AIG1: variants seen among roughly 807,000 people sequenced by gnomAD.
AIG1 encodes androgen induced 1.
In AIG1, 23 loss-of-function variants were observed where a neutral mutation model predicts 31.4. The observed-to-expected ratio is 0.73, with a 90% confidence interval of 0.53 to 1.04. The LOEUF (loss-of-function observed/expected upper bound fraction) is 1.04. Ranked by LOEUF, AIG1 falls within the 50% of genes least tolerant of loss-of-function variation. AIG1 has a pLI of 0.00. For synonymous variants in AIG1, 100 were observed against 110.5 expected, an observed-to-expected ratio of 0.90 and a Z score of 0.60; for missense variants, 274 against 295.0, an observed-to-expected ratio of 0.93 and a Z score of 0.52.
At chr6:143,069,772 G>A (rs1777084936) in intron 1 of AIG1, among the ~76,000 whole-genome samples, 1 of 152,092 alleles carries the variant, frequency 6.6e-6, no homozygotes, top group Middle Eastern at 3.2e-3. Flanking sequence ...TATCAATAGT[G>A]TCTTAAACAG....
At position 143,188,712 on chromosome 6, in the gene AIG1, TAGA is replaced by T; in HGVS notation, c.399+23533_399+23535del. ...CCTCTAGAGCTCTCTAAGGAGACTG[TAGA>T]AGACTTGTGGCCACTCTCATTTTAA... On this transcript the variant is annotated intron_variant, in intron 3 of 5. Transcript: ENST00000357847. 4.1e-6 allele frequency: 4 copies of T among 985,338 alleles called. No individual in the cohort carries two copies. The South Asian group carries it at 1.4e-4, about 35-fold the overall frequency. The allele number at this position is 985,338 out of a possible 1,614,324, so 61.0% of individuals were successfully genotyped here. A position where few individuals can be genotyped will look rare whatever the true frequency, so the allele number is the denominator to read the frequency against.
rs1583497395 is a variant in AIG1 at position 143,203,606 on chromosome 6, T to G, written c.399+38423T>G. ...GGGAGATTAGGCTTCTCTATGTACT[T>G]AGGAGCAAGAAAACTAGGACCAATG... On this transcript the variant is annotated intron_variant, in intron 3 of 5. Transcript: ENST00000357847. Among the ~76,000 whole-genome samples the G allele has an allele frequency of 2.0e-5, 3 of 152,116 alleles. No homozygotes were observed. In the East Asian group the frequency reaches 5.8e-4, roughly 29 times the overall value.
intron 3 of AIG1, among the ~76,000 whole-genome samples, chr6:143,174,067 C>G (rs1787901976): frequency 6.6e-6 from 1 of 152,106 alleles, no homozygotes; most frequent in African/African-American, 2.4e-5. Context: ...TTTGGGAACT[C>G]CAGTGTTAGA....
intron 4 of AIG1, among the ~76,000 whole-genome samples, chr6:143,306,017 A>G (rs1799272135): frequency 6.7e-6 from 1 of 148,940 alleles, no homozygotes; most frequent in Non-Finnish European, 1.5e-5. Context: ...GTTGGTTTAA[A>G]GTCTGTTTTA....
At chr6:143,160,931 A>C (rs1346770675) in intron 2 of AIG1, among the ~76,000 whole-genome samples, 1 of 152,190 alleles carries the variant, frequency 6.6e-6, no homozygotes, top group Non-Finnish European at 1.5e-5. Flanking sequence ...TAAGGTAGGG[A>C]TCAAAGTATT....
rs1357639579 is a variant in AIG1 at position 143,326,668 on chromosome 6, CA to C, written c.516-6613del. Among the ~76,000 whole-genome samples, 10 of 152,138 alleles carry C rather than the reference CA, an allele frequency of 6.6e-5. No homozygotes were observed. The highest frequency in any genetic ancestry group is 2.2e-4 in the African/African-American group (9 of 41,416). Reference sequence around the variant, plus strand: ...AAAAATCTGTCCTAATCTGATGGATCAGGGGAGACTTTCCCGGAGTAAGTGA... The same window carrying C: ...AAAAATCTGTCCTAATCTGATGGATCGGGGAGACTTTCCCGGAGTAAGTGA... On this transcript the variant is annotated intron_variant, in intron 4 of 5. Transcript: ENST00000357847. The surrounding 1 kb of genome is among the most constrained non-coding windows in gnomAD (Gnocchi z 4.5).
intron 3 of AIG1, among the ~76,000 whole-genome samples, chr6:143,247,091 A>G (rs1005487595): frequency 6.6e-6 from 1 of 152,052 alleles, no homozygotes; most frequent in Non-Finnish European, 1.5e-5. Flanking sequence ...GATAATATGG[A>G]TGAAATATTG....
chr6:143,176,972 G>A (rs1452327012), intron 3 of AIG1, among the ~76,000 whole-genome samples: 4 of 152,214 alleles, frequency 2.6e-5, no homozygotes, highest in East Asian at 1.9e-4. Context: ...GGGAGCTGCA[G>A]GTTAGTCCTG....
At chr6:143,143,357 C>T (rs955011783) in intron 2 of AIG1, among the ~76,000 whole-genome samples, 4 of 149,410 alleles carry the variant, frequency 2.7e-5, no homozygotes, top group Non-Finnish European at 4.5e-5. Flanking sequence ...AAAAATTAGC[C>T]GGGCTTGGTG....
At chr6:143,190,333 G>A (rs1197008811) in intron 3 of AIG1, 1 of 985,332 alleles carries the variant, frequency 1.0e-6, no homozygotes, top group African/African-American at 1.7e-5. Context: ...AGCTTTTGAT[G>A]CTTGAGGCTC....
upstream of AIG1, chr6:143,060,675 C>A (rs906307134): frequency 3.1e-5 from 14 of 450,960 alleles, no homozygotes; most frequent in African/African-American, 2.9e-4. Flanking sequence ...GATGACGACA[C>A]GCCGCCTGCC....
chr6:143,167,302 G>A (rs1787061430), intron 3 of AIG1, among the ~76,000 whole-genome samples: 1 of 152,150 alleles, frequency 6.6e-6, no homozygotes, highest in Non-Finnish European at 1.5e-5. Context: ...CCAAATATGA[G>A]GAAGAGTAAT....
chr6:143,111,214 C>A (rs1454620644), intron 1 of AIG1, among the ~76,000 whole-genome samples: 1 of 152,138 alleles, frequency 6.6e-6, no homozygotes, highest in South Asian at 2.1e-4. Context: ...TTCTTGCTGA[C>A]ACCAGTGTCT....
At chr6:143,274,894 T>C (rs1796785930) in intron 3 of AIG1, among the ~76,000 whole-genome samples, 1 of 152,214 alleles carries the variant, frequency 6.6e-6, no homozygotes, top group South Asian at 2.1e-4. Flanking sequence ...TTAAATATGA[T>C]AACAGTGGGA....
chr6:143,092,467 C>T (rs1779393596), intron 1 of AIG1, among the ~76,000 whole-genome samples: 1 of 152,042 alleles, frequency 6.6e-6, no homozygotes, highest in African/African-American at 2.4e-5. Flanking sequence ...CCTCTTGATC[C>T]ATGGGCTGCA....
chr6:143,262,246 G>A (rs928890381), intron 3 of AIG1, among the ~76,000 whole-genome samples: 1 of 152,314 alleles, frequency 6.6e-6, no homozygotes, highest in South Asian at 2.1e-4. Flanking sequence ...CATAATCCAA[G>A]TAGCATAGGA....
In AIG1 at chr6:143,339,750, G is replaced by A. The variant is rs564477367; in HGVS notation, c.*74G>A. On this transcript the variant is annotated 3_prime_UTR_variant, in exon 6 of 6. Transcript: ENST00000357847. ...CTTCCCCTCGGGCATTGGCAGTGGG[G>A]GAGAAAAGGCTTCAAAGGAACTTGG... The A allele has an allele frequency of 1.3e-6, 2 of 1,537,294 alleles. No homozygotes were observed. Among genetic ancestry groups the A allele is most frequent in the South Asian group, 2.4e-5 (2 of 85,054 alleles).
chr6:143,287,059 G>A (rs1305299501), intron 4 of AIG1, among the ~76,000 whole-genome samples: 1 of 151,358 alleles, frequency 6.6e-6, no homozygotes, highest in Admixed American at 6.6e-5. Context: ...CTTTCCCCCA[G>A]CCCAAACATC....
chr6:143,198,260 G>A (rs1790415627), intron 3 of AIG1, among the ~76,000 whole-genome samples: 1 of 152,140 alleles, frequency 6.6e-6, no homozygotes, highest in Admixed American at 6.6e-5. Flanking sequence ...TCATAGCTAG[G>A]AGGTGGCGAG....
Sources: allele counts gnomAD v4.1 joint callset (sites outside exome capture counted in the v4.1 genomes callset), GRCh38; gene constraint gnomAD v4.1.1; non-coding constraint Gnocchi (gnomAD v3.1); transcripts MANE v1.5; gene names NCBI Gene and HGNC (gene_info 2026-07-23, HGNC 2026-07-21).